The following PCBP3 variants were observed in gnomAD, a reference collection of about 807,000 sequenced individuals.
The protein encoded by PCBP3 is poly(rC) binding protein 3, also known as poly(rC)-binding protein 3.
PCBP3 carries 25 observed loss-of-function variants against 52.7 expected under a neutral mutation model. The ratio of observed to expected loss-of-function variants is 0.47; its 90% confidence interval spans 0.35 to 0.66. The LOEUF is 0.66. Among genes scored for constraint, PCBP3 ranks in the 30% least tolerant of loss-of-function variants. The pLI is 0.01. For missense variants in PCBP3, 391 were observed against 490.3 expected (o/e 0.80, Z 1.91); for synonymous variants, 162 against 183.0 (o/e 0.89, Z 0.93).
At chr21:45,794,111 G>T (rs2091787565) in intron 4 of PCBP3, among the ~76,000 whole-genome samples, 1 of 152,170 alleles carries the variant, frequency 6.6e-6, no homozygotes, top group African/African-American at 2.4e-5. Context: ...GGAGAAAAAT[G>T]AAAGCTTACT....
In PCBP3 at chr21:45,917,290, C is replaced by G. The variant is rs2073620939; in HGVS notation, c.676-298C>G. ...GAGACCTCTTACTGGGCAGATCACTCTTCGATTCTTTTGCTTTAAGAAACT... is the reference window on the plus strand; with the variant it reads ...GAGACCTCTTACTGGGCAGATCACTGTTCGATTCTTTTGCTTTAAGAAACT... On this transcript the variant is annotated intron_variant, in intron 12 of 17. Coordinates refer to ENST00000681687, the MANE Select transcript of PCBP3 (RefSeq NM_001384156.1). This position sits in a 1 kb window ranked among gnomAD's most constrained non-coding sequence, Gnocchi z 5.3. 2.8e-6 allele frequency: 1 copy of G among 362,988 alleles called. No homozygotes were observed. The highest frequency in any genetic ancestry group is 2.1e-5 in the African/African-American group (1 of 47,786). The allele number at this position is 362,988 out of a possible 1,614,324, so 22.5% of individuals were successfully genotyped here.
chr21:45,939,760 G>A (rs1013421017), intron 16 of PCBP3, among the ~76,000 whole-genome samples: 1 of 152,206 alleles, frequency 6.6e-6, no homozygotes, highest in Admixed American at 6.5e-5. Context: ...TTGGCTGGGT[G>A]GGCCTCCTAC....
At chr21:45,941,587 C>A in intron 17 of PCBP3, 83 bp from the exon 18 acceptor site, 1 of 1,309,114 alleles carries the variant, frequency 7.6e-7, no homozygotes, top group Non-Finnish European at 1.1e-6. Context: ...GCACAGAGGC[C>A]ACACAGCCCG....
At chr21:45,679,116 T>A (rs2081659303) in intron 2 of PCBP3, among the ~76,000 whole-genome samples, 1 of 151,686 alleles carries the variant, frequency 6.6e-6, no homozygotes, top group African/African-American at 2.4e-5. Flanking sequence ...TAAACTATTT[T>A]TACTTTTTTC....
chr21:45,925,122 C>T (rs372062584), intron 13 of PCBP3, among the ~76,000 whole-genome samples: 1 of 103,590 alleles, frequency 9.7e-6, no homozygotes, highest in Non-Finnish European at 1.9e-5. Flanking sequence ...AAACAGCACA[C>T]GTAAGATCGG....
chr21:45,893,377 G>A (rs2095732111), intron 5 of PCBP3, among the ~76,000 whole-genome samples: 2 of 152,086 alleles, frequency 1.3e-5, no homozygotes, highest in South Asian at 4.1e-4. Flanking sequence ...CATGGTGGGT[G>A]GGGCTGCTGG....
chr21:45,925,652 A>G (rs1481865267), intron 13 of PCBP3, among the ~76,000 whole-genome samples: 2 of 152,208 alleles, frequency 1.3e-5, no homozygotes, highest in Non-Finnish European at 2.9e-5. Context: ...AGGCTAAGGA[A>G]TATGCAACAA....
chr21:45,911,049 G>A lies in PCBP3; in HGVS notation c.600+19G>A, dbSNP rs145188940. ...GCTGGAGGTACCGTCTGCGCGCCAGGGCCAGCCCACGTCAGTGCTGGATTT... is the reference window on the plus strand; with the variant it reads ...GCTGGAGGTACCGTCTGCGCGCCAGAGCCAGCCCACGTCAGTGCTGGATTT... On this transcript the variant is annotated intron_variant, in intron 11 of 17. Transcript: ENST00000681687. 2.8e-4 allele frequency: 457 copies of A among 1,606,232 alleles called. No individual in the cohort carries two copies. The African/African-American group carries it at 5.0e-3, about 17-fold the overall frequency.
chr21:45,934,958 G>C (rs774995027), intron 15 of PCBP3, among the ~76,000 whole-genome samples: 1 of 152,218 alleles, frequency 6.6e-6, no homozygotes, highest in African/African-American at 2.4e-5. Context: ...TGTCACAAGA[G>C]AGTATACAAA....
intron 3 of PCBP3, among the ~76,000 whole-genome samples, chr21:45,740,288 C>T (rs866685389): frequency 2.4e-4 from 36 of 152,218 alleles, no homozygotes; most frequent in Non-Finnish European, 4.1e-4. Flanking sequence ...GTCTGTGGTG[C>T]CATCTCTCTG....
intron 1 of PCBP3, among the ~76,000 whole-genome samples, chr21:45,646,101 CTCTCTCTGTG>C (rs1569070202): frequency 2.5e-4 from 19 of 76,520 alleles, no homozygotes; most frequent in African/African-American, 5.8e-4. Context: ...CTCTCTCTCT[CTCTCTCTGTG>C]TGTGTGTGTG....
intron 5 of PCBP3, among the ~76,000 whole-genome samples, chr21:45,879,115 G>C (rs193132204): frequency 6.6e-6 from 1 of 152,060 alleles, no homozygotes; most frequent in Non-Finnish European, 1.5e-5. Context: ...CCTCCCAGCA[G>C]CTGCAACCAC....
chr21:45,672,377 AC>A (rs1396756356), intron 2 of PCBP3, among the ~76,000 whole-genome samples: 4 of 152,092 alleles, frequency 2.6e-5, no homozygotes, highest in African/African-American at 9.7e-5. Context: ...AATAGGGAGT[AC>A]ATCTTTCTTA....
At chr21:45,929,268 T>G (rs1447958641) in intron 13 of PCBP3, among the ~76,000 whole-genome samples, 1 of 152,118 alleles carries the variant, frequency 6.6e-6, no homozygotes, top group Non-Finnish European at 1.5e-5. Context: ...CGTCCCTCCC[T>G]CATGCCTTCC....
chr21:45,763,115 C>T (rs926272835), intron 4 of PCBP3: 7 of 152,246 alleles, frequency 4.6e-5, no homozygotes, highest in African/African-American at 1.7e-4. Context: ...AGCAGCAGTG[C>T]TCGGCGACTC....
chr21:45,779,342 G>A (rs2090474254), intron 4 of PCBP3, among the ~76,000 whole-genome samples: 1 of 152,190 alleles, frequency 6.6e-6, no homozygotes, highest in Admixed American at 6.5e-5. Flanking sequence ...TGGTGGGGAT[G>A]TGGGCCACTG....
chr21:45,767,473 A>G (rs1461217389), intron 4 of PCBP3, among the ~76,000 whole-genome samples: 1 of 152,164 alleles, frequency 6.6e-6, no homozygotes, highest in Non-Finnish European at 1.5e-5. Flanking sequence ...CTCTTCGGCT[A>G]TTGTGAATAG....
At chr21:45,680,680 C>G (rs1205167796) in intron 2 of PCBP3, among the ~76,000 whole-genome samples, 2 of 152,028 alleles carry the variant, frequency 1.3e-5, no homozygotes, top group African/African-American at 4.8e-5. Context: ...ATCTCTAGGT[C>G]TTTTATTTAT....
intron 11 of PCBP3, among the ~76,000 whole-genome samples, chr21:45,911,895 A>G (rs542478936): frequency 6.6e-6 from 1 of 152,320 alleles, no homozygotes; most frequent in South Asian, 2.1e-4. Flanking sequence ...CTTGTTCTGA[A>G]ATCTTCCCCA....
Sources: allele counts gnomAD v4.1 joint callset (sites outside exome capture counted in the v4.1 genomes callset), GRCh38; gene constraint gnomAD v4.1.1; non-coding constraint Gnocchi (gnomAD v3.1); transcripts MANE v1.5; gene names NCBI Gene and HGNC (gene_info 2026-07-23, HGNC 2026-07-21).